CCDC7: variants seen among roughly 807,000 people sequenced by gnomAD.
CCDC7 encodes coiled-coil domain-containing protein 7.
In CCDC7, 183 loss-of-function variants were observed where a neutral mutation model predicts 196.9. The ratio of observed to expected loss-of-function variants is 0.93; its 90% CI spans 0.82 to 1.05. The LOEUF (loss-of-function observed/expected upper bound fraction) is 1.05, where lower values mean the gene tolerates loss of function less well. CCDC7 is among the 50% of genes least tolerant of loss of function. The pLI is 0.00. For missense variants in CCDC7, 1,540 were observed against 1,482.2 expected (o/e 1.04, Z -0.64); for synonymous variants, 525 against 484.6 (o/e 1.08, Z -1.10).
chr10:32,837,670 C>G (rs1412902937), intron 33 of CCDC7, among the ~76,000 whole-genome samples: 1 of 152,050 alleles, frequency 6.6e-6, no homozygotes, highest in African/African-American at 2.4e-5. Flanking sequence ...GACTTGGAAC[C>G]ATCCCAAATG....
At chr10:32,591,578 G>C (rs1443553896) in intron 18 of CCDC7, among the ~76,000 whole-genome samples, 2 of 148,404 alleles carry the variant, frequency 1.3e-5, no homozygotes, top group African/African-American at 5.1e-5. Context: ...CAAGCCTCAT[G>C]GTAACCTCAA....
intron 18 of CCDC7, among the ~76,000 whole-genome samples, chr10:32,612,044 T>C (rs1484145703): frequency 6.6e-6 from 1 of 152,168 alleles, no homozygotes; most frequent in East Asian, 1.9e-4. Context: ...ATTCTTCCTA[T>C]CCATGAGCAT....
chr10:32,848,002 A>G, intron 38 of CCDC7, 86 bp downstream of exon 39: 1 of 730,106 alleles, frequency 1.4e-6, no homozygotes, highest in Non-Finnish European at 2.2e-6. Flanking sequence ...CAGTACCTAT[A>G]TGTTAATATT....
At chr10:32,750,843 A>C (rs1345448829) in intron 28 of CCDC7, among the ~76,000 whole-genome samples, 4 of 152,210 alleles carry the variant, frequency 2.6e-5, no homozygotes, top group African/African-American at 4.8e-5. Context: ...CCAACCCAAG[A>C]AACATTAAGC....
chr10:32,845,394 T>C, intron 34 of CCDC7, 68 bp downstream of exon 35: 3 of 1,307,028 alleles, frequency 2.3e-6, no homozygotes, highest in Non-Finnish European at 3.2e-6. Context: ...AAATTAAGTA[T>C]AGACCTTTAA....
At chr10:32,501,783 C>G (rs1451251758) in intron 9 of CCDC7, among the ~76,000 whole-genome samples, 1 of 152,228 alleles carries the variant, frequency 6.6e-6, no homozygotes, top group Non-Finnish European at 1.5e-5. Context: ...TCGGCCCCTA[C>G]TGGGAGGTAT....
At chr10:32,840,159 G>A (rs1189203939) in intron 33 of CCDC7, among the ~76,000 whole-genome samples, 2 of 151,746 alleles carry the variant, frequency 1.3e-5, no homozygotes, top group Non-Finnish European at 2.9e-5. Flanking sequence ...AAAGATCAGA[G>A]CAGATCTAAA....
intron 20 of CCDC7, among the ~76,000 whole-genome samples, chr10:32,639,213 T>G (rs541169910): frequency 4.6e-5 from 7 of 152,244 alleles, no homozygotes; most frequent in Admixed American, 4.6e-4. Context: ...TTTTGAAGGG[T>G]TTTTTGGGTC....
At chr10:32,703,811 T>G (rs2079191057) in intron 24 of CCDC7, among the ~76,000 whole-genome samples, 1 of 152,272 alleles carries the variant, frequency 6.6e-6, no homozygotes, top group East Asian at 1.9e-4. Flanking sequence ...TCGAATCAGC[T>G]ACTGAGGCTT....
At chr10:32,467,407 C>T (rs542843927) in intron 5 of CCDC7, among the ~76,000 whole-genome samples, 7 of 151,412 alleles carry the variant, frequency 4.6e-5, no homozygotes, top group Admixed American at 1.3e-4. Flanking sequence ...CCACTGCGCC[C>T]GGCCTTGTCC....
upstream of CCDC7, among the ~76,000 whole-genome samples, chr10:32,446,948 TCCC>T (rs2031405700): frequency 2.1e-4 from 3 of 14,612 alleles, no homozygotes; most frequent in Admixed American, 3.3e-3. Flanking sequence ...CTTCCCTTCC[TCCC>T]TCCCTCCCTC....
intron 11 of CCDC7, among the ~76,000 whole-genome samples, chr10:32,526,843 C>T (rs772159887): frequency 2.0e-5 from 3 of 152,120 alleles, no homozygotes; most frequent in East Asian, 1.9e-4. Context: ...GAGTCACTTT[C>T]GTTGCTGAGC....
At chr10:32,590,487 T>C (rs541978594) in intron 18 of CCDC7, among the ~76,000 whole-genome samples, 6 of 152,186 alleles carry the variant, frequency 3.9e-5, no homozygotes, top group Non-Finnish European at 7.4e-5. Context: ...AATTGGTTCA[T>C]TATTTAGTCT....
intron 18 of CCDC7, among the ~76,000 whole-genome samples, chr10:32,596,190 A>C (rs1441292105): frequency 1.3e-5 from 2 of 152,154 alleles, no homozygotes; most frequent in African/African-American, 4.8e-5. Context: ...TAGGTCTCTC[A>C]GGACTTGCTT....
intron 28 of CCDC7, among the ~76,000 whole-genome samples, chr10:32,769,883 A>G (rs1310055497): frequency 3.9e-5 from 6 of 152,152 alleles, no homozygotes; most frequent in Non-Finnish European, 8.8e-5. Flanking sequence ...TCTATCATTG[A>G]TGGGCATTTG....
chr10:32,758,074 C>A (rs1276955056), intron 28 of CCDC7, among the ~76,000 whole-genome samples: 11 of 152,126 alleles, frequency 7.2e-5, no homozygotes, highest in African/African-American at 2.2e-4. Context: ...CCTGAATAGA[C>A]CAGTAACAGG....
chr10:32,546,486 C>G (rs1048337283), intron 13 of CCDC7, among the ~76,000 whole-genome samples: 1 of 152,180 alleles, frequency 6.6e-6, no homozygotes, highest in African/African-American at 2.4e-5. Flanking sequence ...TAACAACCAT[C>G]TAGCATTATA....
chr10:32,506,617 C>T (rs888345543), intron 9 of CCDC7, among the ~76,000 whole-genome samples: 50 of 152,236 alleles, frequency 3.3e-4, no homozygotes, highest in Admixed American at 2.4e-3. Flanking sequence ...CTCGGGAGGC[C>T]GAGGGGGGCA....
At chr10:32,526,583 C>T (rs1234439984) in intron 11 of CCDC7, among the ~76,000 whole-genome samples, 3 of 152,132 alleles carry the variant, frequency 2.0e-5, no homozygotes, top group African/African-American at 7.2e-5. Context: ...GTGCATATCA[C>T]TGGTGGTTAT....
Sources: allele counts gnomAD v4.1 joint callset (sites outside exome capture counted in the v4.1 genomes callset), GRCh38; gene constraint gnomAD v4.1.1; transcripts MANE v1.5; gene names NCBI Gene and HGNC (gene_info 2026-07-23, HGNC 2026-07-21).